ZNF318: variants seen among roughly 807,000 people sequenced by gnomAD.
ZNF318 encodes endocrine regulator.
A neutral mutation model predicts 124.2 loss-of-function variants in ZNF318; 51 were observed. That is an observed-to-expected ratio of 0.41 (90% CI 0.33 to 0.52). ZNF318 has a LOEUF of 0.52. Ranked by LOEUF, ZNF318 falls within the 20% of genes least tolerant of loss-of-function variation. The pLI is 0.23. For missense variants in ZNF318, 2,815 were observed against 2,811.2 expected, an observed-to-expected ratio of 1.00 and a Z score of -0.03; for synonymous variants, 1,090 against 1,040.7, an observed-to-expected ratio of 1.05 and a Z score of -0.91.
rs1403181796 is a variant in ZNF318 at position 43,336,187 on chromosome 6, C to T, written c.*971G>A. 6.6e-6 allele frequency: 1 copy of T among 152,516 alleles called. No homozygotes were observed. Among genetic ancestry groups the T allele is most frequent in the African/African-American group, 2.4e-5 (1 of 41,392 alleles). 9.4% of individuals were successfully genotyped at this position (152,516 alleles called of 1,614,324 possible). On this transcript the variant is annotated 3_prime_UTR_variant, in exon 10 of 10. Coordinates refer to ENST00000361428, the MANE Select transcript of ZNF318 (RefSeq NM_014345.3). The stretch of plus-strand genomic sequence containing the variant: ...AAAATATACAACCCCAAACATCGTA[C>T]TATGGTTGAAATTAATTGGGAAAGG...
At chr6:43,366,092 A>T (rs1187812838) in intron 1 of ZNF318, among the ~76,000 whole-genome samples, 1 of 152,148 alleles carries the variant, frequency 6.6e-6, no homozygotes, top group Non-Finnish European at 1.5e-5. Context: ...AAAACATGGT[A>T]CCATAAAAGG....
At position 43,336,529 on chromosome 6, in the gene ZNF318, G is replaced by A. The variant is rs1302938356; in HGVS notation, c.*629C>T. 1 of 152,184 alleles carries A rather than the reference G, an allele frequency of 6.6e-6. No homozygotes were observed. The highest frequency in any genetic ancestry group is 6.5e-5 in the Admixed American group (1 of 15,274). The allele number at this position is 152,184 out of a possible 1,614,324, so 9.4% of individuals were successfully genotyped here. A position where few individuals can be genotyped will look rare whatever the true frequency, so the allele number is the denominator to read the frequency against. ...GGGTTAGCAGGACAATGCATCTCAA[G>A]AAAGGCAACAGAGTAAGGGAAGTAC... On this transcript the variant is annotated 3_prime_UTR_variant, in exon 10 of 10. Coordinates refer to ENST00000361428, the MANE Select transcript of ZNF318 (RefSeq NM_014345.3).
At chr6:43,358,414 ATTTTTTTT>A (rs71547834) in intron 2 of ZNF318, among the ~76,000 whole-genome samples, 1 of 124,782 alleles carries the variant, frequency 8.0e-6, no homozygotes. Flanking sequence ...CACCCGGCTA[ATTTTTTTT>A]TTTTTTTTTT....
In ZNF318 at chr6:43,342,657, CAG is replaced by C. The variant is rs758989638; in HGVS notation, c.3276+17_3276+18del. On this transcript the variant is annotated intron_variant, in intron 7 of 9. Transcript: ENST00000361428. Reference sequence around the variant, plus strand: ...AGAGTGAGGGTGGGAGTGAAAATAACAGAGAGTAGGATACCAACCTGTGTGTG... The same window carrying C: ...AGAGTGAGGGTGGGAGTGAAAATAACAGAGTAGGATACCAACCTGTGTGTG... 6.8e-6 allele frequency: 11 copies of C among 1,612,864 alleles called. No individual in the cohort carries two copies. The highest frequency in any genetic ancestry group is 4.0e-5 in the African/African-American group (3 of 74,892).
chr6:43,348,337 G>A lies in ZNF318; in HGVS notation c.3059C>T (p.Ser1020Phe), dbSNP rs774138239. Reference protein sequence around the residue: ...SPEKVSSFSNSSSNKESKVNN... With the variant: ...SPEKVSSFSNFSSNKESKVNN... ...TTGAGTTGTTACCTTGTTGGAGGAG[G>A]AGTTTGAGAACGATGACACTTTTTC... The change falls in exon 6 of 10, where the codon TCC becomes TTC. Residue 1020 changes from serine (S) to phenylalanine (F), a missense_variant. Physicochemically the swap from Ser to Phe is radical, Grantham distance 155 (BLOSUM62 -2). Transcript: ENST00000361428. The A allele has an allele frequency of 8.1e-6, 13 of 1,606,278 alleles. No homozygotes were observed. Among genetic ancestry groups the A allele is most frequent in the South Asian group, 2.2e-5 (2 of 89,440 alleles).
At position 43,339,693 on chromosome 6, in the gene ZNF318, A is replaced by G. The variant is rs747359030; in HGVS notation, c.4305T>C (p.His1435=). The G allele has an allele frequency of 3.7e-6, 6 of 1,613,842 alleles. No individual in the cohort carries two copies. The highest frequency in any genetic ancestry group is 1.1e-5 in the South Asian group (1 of 91,046). ...VVLAEKSEPS[H]LPEQILPPPP... ...GAGGTGGTAGTATTTGTTCAGGTAA[A>G]TGAGATGGCTCACTCTTTTCAGCCA... The change falls in exon 10 of 10, where the codon CAT becomes CAC. Residue 1435 remains histidine (H), a synonymous_variant. Coordinates refer to ENST00000361428, the MANE Select transcript of ZNF318 (RefSeq NM_014345.3). The surrounding 1 kb of genome is among the most constrained non-coding windows in gnomAD (Gnocchi z 4.2).
rs564850249 is a variant in ZNF318 at position 43,357,629 on chromosome 6, T to C, written c.685A>G (p.Thr229Ala). 2.4e-4 allele frequency: 392 copies of C among 1,613,738 alleles called. 3 individuals are homozygous for C. In the South Asian group the frequency reaches 3.9e-3, roughly 16 times the overall value. ...CTATAATCAGATCGATGCAGGAAAG[T>C]TTCTTTTGTTCGGTAGTCCTCATCA... ...QLDEDYRTKETFLHRSDYSPH... is the reference protein window; with the variant it reads ...QLDEDYRTKEAFLHRSDYSPH... Residue 229 changes from threonine (T) to alanine (A), a missense_variant, in exon 3 of 10, where the codon ACT becomes GCT. Physicochemically the swap from Thr to Ala is moderately conservative, Grantham distance 58. Transcript: ENST00000361428.
At position 43,338,331 on chromosome 6, in the gene ZNF318, G is replaced by A; in HGVS notation, c.5667C>T (p.Ala1889=). The change falls in exon 10 of 10, where the codon GCC becomes GCT. Residue 1889 remains alanine, a synonymous_variant. Transcript: ENST00000361428. Reference sequence around the variant, plus strand: ...CTGGGGAATGAAGCAGCAACTCTGGGGCAGAAATTTTCACAGGTGTATCTT... The same window carrying A: ...CTGGGGAATGAAGCAGCAACTCTGGAGCAGAAATTTTCACAGGTGTATCTT... ...NPQDTPVKIS[A]PELLLHSPAR... The A allele has an allele frequency of 6.2e-7, 1 of 1,614,090 alleles. No individual in the cohort carries two copies. The highest frequency in any genetic ancestry group is 1.1e-5 in the South Asian group (1 of 91,070).
At position 43,338,085 on chromosome 6, in the gene ZNF318, G is replaced by A. The variant is rs759516443; in HGVS notation, c.5913C>T (p.Ser1971=). The A allele has an allele frequency of 3.7e-6, 6 of 1,614,066 alleles. No homozygotes were observed. The Admixed American group carries it at 1.0e-4, about 27-fold the overall frequency. Residue 1971 remains serine (S), a synonymous_variant, in exon 10 of 10, where the codon AGC becomes AGT. Coordinates refer to ENST00000361428, the MANE Select transcript of ZNF318 (RefSeq NM_014345.3). ...GTGCTTCTGTTTTTGGTTTCTCTGG[G>A]CTCTCCCAGGTCTCTGGCCTCTTCT... ...ENKKRPETWE[S]PEKPKTEALE...
chr6:43,341,992 C>T lies in ZNF318; in HGVS notation c.3376+120G>A, dbSNP rs557957168. On this transcript the variant is annotated intron_variant, in intron 8 of 9. Transcript: ENST00000361428. ...GTTTTGTACACAGAAGGCATTCCTA[C>T]GGCTTTGTTAAAAGGAATGGCTGTC... 343 of 835,514 alleles carry T rather than the reference C, an allele frequency of 4.1e-4. 4 individuals carry two copies. The South Asian group carries it at 4.1e-3, about 10-fold the overall frequency. 51.8% of individuals were successfully genotyped at this position (835,514 alleles called of 1,614,324 possible).
At position 43,354,732 on chromosome 6, in the gene ZNF318, G is replaced by A; in HGVS notation, c.2602C>T (p.Pro868Ser). ...TCTGGATTATATCTTATGAGTGATG[G>A]AATGGACACCTGGACAGGCACTTGG... ...AAQVPVQVSIPSLIRYNPEKI... is the reference protein window; with the variant it reads ...AAQVPVQVSISSLIRYNPEKI... Residue 868 changes from proline to serine, a missense_variant, in exon 4 of 10, where the codon CCA (proline) becomes TCA (serine). By Grantham distance (74) the Pro-to-Ser change is moderately conservative (BLOSUM62 -1). Coordinates refer to ENST00000361428, the MANE Select transcript of ZNF318 (RefSeq NM_014345.3). 6.2e-7 allele frequency: 1 copy of A among 1,614,070 alleles called. No individual in the cohort carries two copies. The highest frequency in any genetic ancestry group is 2.2e-5 in the East Asian group (1 of 44,886).
At position 43,357,470 on chromosome 6, in the gene ZNF318, T is replaced by C. The variant is rs1779625388; in HGVS notation, c.844A>G (p.Ile282Val). The C allele has an allele frequency of 1.2e-6, 2 of 1,614,116 alleles. No homozygotes were observed. Among genetic ancestry groups the C allele is most frequent in the African/African-American group, 2.7e-5 (2 of 74,946 alleles). The change falls in exon 3 of 10, where the codon ATA (isoleucine) becomes GTA (valine). Residue 282 changes from isoleucine to valine, a missense_variant. Ile to Val is a conservative substitution (Grantham distance 29). This residue lies in a region of ZNF318 where 1,377 missense variants were observed against 1,353.5 expected (regional missense o/e 1.02). Coordinates refer to ENST00000361428, the MANE Select transcript of ZNF318 (RefSeq NM_014345.3). The stretch of plus-strand genomic sequence containing the variant: ...GGGTGATCCCCTCCCATGCTGTTTA[T>C]CTTCACTGTGTCATCATAACGGGGT... ...KRPRYDDTVKINSMGGDHPSF... is the reference protein window; with the variant it reads ...KRPRYDDTVKVNSMGGDHPSF...
intron 1 of ZNF318, 115 bp from the exon 2 acceptor site, chr6:43,365,555 C>A (rs1779750173): frequency 9.4e-7 from 1 of 1,059,116 alleles, no homozygotes; most frequent in East Asian, 2.6e-5. Flanking sequence ...GCCTGTATAC[C>A]CAACACTTTG....
chr6:43,352,225 T>C lies in ZNF318; in HGVS notation c.2770+152A>G. 9.6e-6 allele frequency: 6 copies of C among 624,214 alleles called. No homozygotes were observed. The South Asian group carries it at 1.0e-4, about 11-fold the overall frequency. 38.7% of individuals were successfully genotyped at this position (624,214 alleles called of 1,614,324 possible). Reference sequence around the variant, plus strand: ...TGGGAGAAGAGTACCTGAGAATTCTTTGCACTATTATTGCAACTTTTTTGT... The same window carrying C: ...TGGGAGAAGAGTACCTGAGAATTCTCTGCACTATTATTGCAACTTTTTTGT... On this transcript the variant is annotated intron_variant, in intron 5 of 9. Coordinates refer to ENST00000361428, the MANE Select transcript of ZNF318 (RefSeq NM_014345.3).
At position 43,338,818 on chromosome 6, in the gene ZNF318, G is replaced by C; in HGVS notation, c.5180C>G (p.Pro1727Arg). 1.2e-6 allele frequency: 2 copies of C among 1,614,166 alleles called. No homozygotes were observed. The highest frequency in any genetic ancestry group is 1.7e-6 in the Non-Finnish European group (2 of 1,180,040). ...SELDLGEPGPPGVEPPPQLLD... is the reference protein window; with the variant it reads ...SELDLGEPGPRGVEPPPQLLD... The stretch of plus-strand genomic sequence containing the variant: ...CAGTTGAGGAGGTGGTTCTACACCA[G>C]GTGGTCCTGGCTCTCCCAGGTCAAG... Residue 1727 changes from proline to arginine, a missense_variant, in exon 10 of 10, where the codon CCT (proline) becomes CGT (arginine). Transcript: ENST00000361428.
Position 43,337,120 on chromosome 6 carries a change from C to T in ZNF318, c.*38G>A. ...CATCTGGGCATCTGATTTCTAGAAG[C>T]CAATGATTCACTCACAAGTAGCTCT... On this transcript the variant is annotated 3_prime_UTR_variant, in exon 10 of 10. Transcript: ENST00000361428. The T allele has an allele frequency of 6.6e-7, 1 of 1,506,580 alleles. No individual in the cohort carries two copies. The highest frequency in any genetic ancestry group is 8.9e-7 in the Non-Finnish European group (1 of 1,127,628). The allele number at this position is 1,506,580 out of a possible 1,614,324, so 93.3% of individuals were successfully genotyped here.
In ZNF318 at chr6:43,357,653, C is replaced by T; in HGVS notation, c.661G>A (p.Asp221Asn). 2.5e-6 allele frequency: 4 copies of T among 1,613,908 alleles called. No individual in the cohort carries two copies. Among genetic ancestry groups the T allele is most frequent in the Non-Finnish European group, 1.7e-6 (2 of 1,180,018 alleles). The change falls in exon 3 of 10, where the codon GAT becomes AAT. Residue 221 changes from aspartate (D) to asparagine (N), a missense_variant. Transcript: ENST00000361428. ...GTTTCTTTTGTTCGGTAGTCCTCAT[C>T]AAGTTGTCCCAAGAAGGGACTGAGA... Reference protein sequence around the residue: ...GPLSPFLGQLDEDYRTKETFL... With the variant: ...GPLSPFLGQLNEDYRTKETFL...
At chr6:43,350,141 T>C (rs1779505782) in intron 5 of ZNF318, among the ~76,000 whole-genome samples, 1 of 152,034 alleles carries the variant, frequency 6.6e-6, no homozygotes, top group Non-Finnish European at 1.5e-5. Flanking sequence ...TCCCAGCTAC[T>C]TGGGAGGTTG....
chr6:43,344,467 T>A (rs926401253), intron 6 of ZNF318, among the ~76,000 whole-genome samples: 2 of 152,200 alleles, frequency 1.3e-5, no homozygotes. Flanking sequence ...ATTATAGAAG[T>A]GTATTTACTG....
Sources: allele counts gnomAD v4.1 joint callset (sites outside exome capture counted in the v4.1 genomes callset), GRCh38; gene constraint gnomAD v4.1.1; regional missense constraint gnomAD v4.1.1; non-coding constraint Gnocchi (gnomAD v3.1); transcripts MANE v1.5; gene names NCBI Gene and HGNC (gene_info 2026-07-23, HGNC 2026-07-21).